The following NPTN variants were observed in gnomAD, a reference collection of about 807,000 sequenced individuals.
The protein encoded by NPTN is SDR-1.
A neutral mutation model predicts 42.7 loss-of-function variants in NPTN; 5 were observed. That is an observed-to-expected ratio of 0.12 (90% CI 0.06 to 0.25). The LOEUF (loss-of-function observed/expected upper bound fraction) is 0.25. Ranked by LOEUF, NPTN falls within the 10% of genes least tolerant of loss-of-function variation. The pLI, the probability that NPTN is intolerant of heterozygous loss-of-function variation, is 1.00. For synonymous variants in NPTN, 180 were observed against 201.9 expected, an observed-to-expected ratio of 0.89 and a Z score of 0.92; for missense variants, 307 against 525.4, an observed-to-expected ratio of 0.58 and a Z score of 4.06.
Position 73,570,117 on chromosome 15 carries a change from A to C in NPTN, c.1114+33T>G, listed in dbSNP as rs757126146. On this transcript the variant is annotated intron_variant, in intron 6 of 8. Coordinates refer to ENST00000345330, the MANE Select transcript of NPTN (RefSeq NM_012428.4). This position sits in a 1 kb window ranked among gnomAD's most constrained non-coding sequence, Gnocchi z 4.0. ...GAAACCACCCGAAGGAACCAACCCC[A>C]GCAGTACAGCTATTTTGTAGGGATG... 2 of 1,566,354 alleles carry C rather than the reference A, an allele frequency of 1.3e-6. No homozygotes were observed. The highest frequency in any genetic ancestry group is 1.7e-6 in the Non-Finnish European group (2 of 1,153,608).
intron 1 of NPTN, among the ~76,000 whole-genome samples, chr15:73,614,203 C>T (rs1197837162): frequency 6.7e-6 from 1 of 149,598 alleles, no homozygotes; most frequent in Non-Finnish European, 1.5e-5. Context: ...ACCTGTAGTA[C>T]TAGCTACTTG....
rs574840754 is a variant in NPTN at position 73,571,659 on chromosome 15, G to A, written c.841-1236C>T. Among the ~76,000 whole-genome samples, 43 of 152,266 alleles carry A rather than the reference G, an allele frequency of 2.8e-4. 1 individual carries two copies. In the South Asian group the frequency reaches 8.9e-3, roughly 32 times the overall value. On this transcript the variant is annotated intron_variant, in intron 5 of 8. Transcript: ENST00000345330. ...TGCAAGAGTGCACAGGCAGAGGTCGGGACTCAGCGGGATGGCTCACTGCAC... is the reference window on the plus strand; with the variant it reads ...TGCAAGAGTGCACAGGCAGAGGTCGAGACTCAGCGGGATGGCTCACTGCAC...
chr15:73,608,519 T>C (rs577706996), intron 1 of NPTN, among the ~76,000 whole-genome samples: 1 of 152,196 alleles, frequency 6.6e-6, no homozygotes, highest in East Asian at 1.9e-4. Flanking sequence ...ATTTTTTGAG[T>C]GCTATTATAT....
intron 6 of NPTN, among the ~76,000 whole-genome samples, chr15:73,564,425 C>G (rs370438286): frequency 1.3e-5 from 2 of 152,108 alleles, no homozygotes; most frequent in South Asian, 4.1e-4. Context: ...TCCTTCGAGG[C>G]AACGGAGAGG....
chr15:73,576,933 G>A (rs1403677455), intron 4 of NPTN, among the ~76,000 whole-genome samples: 2 of 152,130 alleles, frequency 1.3e-5, no homozygotes, highest in Non-Finnish European at 2.9e-5. Flanking sequence ...AATGGGGACT[G>A]GAGAGAGAAA....
chr15:73,593,028 C>CCA (rs1461581909), intron 2 of NPTN, among the ~76,000 whole-genome samples: 1 of 152,136 alleles, frequency 6.6e-6, no homozygotes, highest in Non-Finnish European at 1.5e-5. Flanking sequence ...CCTTGCCCCC[C>CCA]ATCCCCAAGA....
intron 1 of NPTN, among the ~76,000 whole-genome samples, chr15:73,621,082 T>C (rs1898118138): frequency 6.6e-6 from 1 of 152,160 alleles, no homozygotes; most frequent in Non-Finnish European, 1.5e-5. Context: ...AAATTTGCTA[T>C]AAAAAGTTAA....
At chr15:73,599,706 A>G (rs1356464060) in intron 1 of NPTN, 1 of 152,158 alleles carries the variant, frequency 6.6e-6, no homozygotes, top group African/African-American at 2.4e-5. Flanking sequence ...CTACTGGCTC[A>G]ATCACCAGAG....
At chr15:73,603,386 C>T (rs759548435) in intron 1 of NPTN, among the ~76,000 whole-genome samples, 1 of 152,194 alleles carries the variant, frequency 6.6e-6, no homozygotes, top group Non-Finnish European at 1.5e-5. Flanking sequence ...CCAAGTTCTT[C>T]AAGAAACAAC....
At chr15:73,585,631 C>A (rs1008250792) in intron 4 of NPTN, among the ~76,000 whole-genome samples, 2 of 152,166 alleles carry the variant, frequency 1.3e-5, no homozygotes, top group African/African-American at 4.8e-5. Context: ...GAAGGAAAGA[C>A]AGACTAGAAT....
intron 8 of NPTN, among the ~76,000 whole-genome samples, chr15:73,561,303 CTT>C (rs1302036537): frequency 6.6e-6 from 1 of 152,158 alleles, no homozygotes; most frequent in Non-Finnish European, 1.5e-5. Context: ...ATTTTCACCT[CTT>C]TGTAAAGATA....
At chr15:73,589,171 GA>G (rs1402348125) in intron 3 of NPTN, among the ~76,000 whole-genome samples, 4 of 151,778 alleles carry the variant, frequency 2.6e-5, no homozygotes, top group Non-Finnish European at 4.4e-5. Flanking sequence ...ATCTCTACAA[GA>G]AATAAAAAAA....
intron 6 of NPTN, chr15:73,568,798 T>C (rs1274242028): frequency 7.1e-6 from 7 of 985,370 alleles, no homozygotes; most frequent in Non-Finnish European, 6.0e-6. Flanking sequence ...TCACCAGATA[T>C]TGTCAGTGTC....
At chr15:73,563,293 G>C in intron 6 of NPTN, 36 bp from the exon 7 acceptor site, 2 of 1,611,714 alleles carry the variant, frequency 1.2e-6, no homozygotes, top group Non-Finnish European at 1.7e-6. Context: ...ATCCATGAGA[G>C]ATAAGAGAAG....
intron 4 of NPTN, among the ~76,000 whole-genome samples, chr15:73,579,097 G>A (rs937951628): frequency 2.0e-5 from 3 of 151,070 alleles, no homozygotes; most frequent in African/African-American, 7.3e-5. Context: ...TGGCTAACAC[G>A]GTGAAACCCC....
intron 1 of NPTN, among the ~76,000 whole-genome samples, chr15:73,622,425 C>T (rs1898179927): frequency 6.6e-6 from 1 of 151,330 alleles, no homozygotes; most frequent in South Asian, 2.1e-4. Context: ...CCAGAAACAT[C>T]CTTATCATAT....
Position 73,564,876 on chromosome 15 carries a change from G to A in NPTN, c.1115-1619C>T, listed in dbSNP as rs552387977. Among the ~76,000 whole-genome samples, 8 of 152,286 alleles carry A rather than the reference G, an allele frequency of 5.3e-5. No homozygotes were observed. In the South Asian group the frequency reaches 1.0e-3, roughly 20 times the overall value. On this transcript the variant is annotated intron_variant, in intron 6 of 8. Transcript: ENST00000345330. ...TACAAAATTCTAATGCAAGAGAGCC[G>A]AATCAAGAATACACCAATCTACTCC...
In NPTN at chr15:73,560,368, A is replaced by AAAGAT. The variant is rs1894591101; in HGVS notation, c.*690_*694dup. ...TGAATTTACATGACTTAACAGAAGA[A>AAAGAT]AAGATAATCACTTAAAAAGCAATCA... On this transcript the variant is annotated 3_prime_UTR_variant, in exon 9 of 9. Coordinates refer to ENST00000345330, the MANE Select transcript of NPTN (RefSeq NM_012428.4). 6.4e-6 allele frequency: 1 copy of AAAGAT among 155,698 alleles called. No individual in the cohort carries two copies. Among genetic ancestry groups the AAAGAT allele is most frequent in the African/African-American group, 2.4e-5 (1 of 41,476 alleles). 9.6% of individuals were successfully genotyped at this position (155,698 alleles called of 1,614,324 possible).
At chr15:73,572,864 T>C (rs1042590760) in intron 5 of NPTN, among the ~76,000 whole-genome samples, 30 of 152,272 alleles carry the variant, frequency 2.0e-4, no homozygotes, top group African/African-American at 6.7e-4. Flanking sequence ...TCCCCAGTGT[T>C]GGAGGAGGGG....
Sources: gnomAD v4.1 joint callset for allele counts (sites outside exome capture counted in the v4.1 genomes callset) on GRCh38, gnomAD v4.1.1 for gene constraint, Gnocchi (gnomAD v3.1) non-coding constraint, MANE v1.5 for transcripts, NCBI Gene and HGNC (gene_info 2026-07-23, HGNC 2026-07-21) for gene names.